The following COMMD6 variants were observed in gnomAD, a reference collection of about 807,000 sequenced individuals.
The protein encoded by COMMD6 is COMM domain-containing protein 6.
Under a neutral mutation model 13.4 loss-of-function variants are expected in COMMD6, and 11 were observed. The observed-to-expected ratio is 0.82, with a 90% CI of 0.52 to 1.36. The LOEUF is 1.36. COMMD6 is among the 40% of genes most tolerant of loss of function. The pLI, the probability that COMMD6 is intolerant of heterozygous loss-of-function variation, is 0.00. For synonymous variants in COMMD6, 43 were observed against 36.5 expected (o/e 1.18, Z -0.64); for missense variants, 124 against 102.4 (o/e 1.21, Z -0.91).
At chr13:75,544,926 C>CAAAAAAAAAAAAAAAAAAAAAA (rs10708731) in intron 1 of COMMD6, among the ~76,000 whole-genome samples, 2 of 104,544 alleles carry the variant, frequency 1.9e-5, no homozygotes, top group African/African-American at 7.0e-5. Context: ...ACTCTGTCTC[C>CAAAAAAAAAAAAAAAAAAAAAA]AAAAAAAAAA....
At chr13:75,530,452 G>C (rs2030433348) in intron 2 of COMMD6, 186 bp from the exon 3 acceptor site, 1 of 395,786 alleles carries the variant, frequency 2.5e-6, no homozygotes, top group Admixed American at 4.4e-5. Context: ...AGGTTATAAG[G>C]GATATAAACA....
upstream of COMMD6, among the ~76,000 whole-genome samples, chr13:75,541,125 C>T (rs1329215766): frequency 6.6e-6 from 1 of 152,070 alleles, no homozygotes; most frequent in Non-Finnish European, 1.5e-5. Context: ...GGTTTAGCAT[C>T]CTGGGAGTAT....
chr13:75,545,336 G>A (rs1424811499), intron 1 of COMMD6, among the ~76,000 whole-genome samples: 1 of 152,196 alleles, frequency 6.6e-6, no homozygotes, highest in Non-Finnish European at 1.5e-5. Flanking sequence ...CCCTGGGCTG[G>A]TTACAACTGT....
chr13:75,538,097 G>A (rs1276067413), upstream of COMMD6, among the ~76,000 whole-genome samples: 1 of 152,230 alleles, frequency 6.6e-6, no homozygotes, highest in African/African-American at 2.4e-5. Context: ...ACAGTGACAC[G>A]TGGGCTCTTC....
rs765309465 is a variant in COMMD6 at position 75,530,278 on chromosome 13, C to T, written c.55-12G>A. 1.2e-5 allele frequency: 20 copies of T among 1,602,786 alleles called. No individual in the cohort carries two copies. The highest frequency in any genetic ancestry group is 1.6e-5 in the Non-Finnish European group (19 of 1,174,242). On this transcript the variant is annotated splice_polypyrimidine_tract_variant and intron_variant, in intron 2 of 3. Transcript: ENST00000682242. ...TGAAAATCTACAAGCTTTAATAAGA[C>T]AGGACAAAATAATACATTAGTAGTA...
intron 3 of COMMD6, among the ~76,000 whole-genome samples, chr13:75,529,070 C>A (rs576781906): frequency 1.3e-5 from 2 of 152,234 alleles, no homozygotes; most frequent in Non-Finnish European, 2.9e-5. Flanking sequence ...AGAGTACTAA[C>A]TGCTGTTTAA....
At position 75,537,809 on chromosome 13, in the gene COMMD6, C is replaced by G. The variant is rs199894482; in HGVS notation, c.-4G>C. 160 of 1,602,580 alleles carry G rather than the reference C, an allele frequency of 1.0e-4. No individual in the cohort carries two copies. Among genetic ancestry groups the G allele is most frequent in the East Asian group, 8.5e-4 (38 of 44,698 alleles). On this transcript the variant is annotated 5_prime_UTR_variant, in exon 1 of 4. Transcript: ENST00000682242. ...GCGGCTCGCTGGACGCCTCCATGGG[C>G]AGCGTCTGGGACTTGCGGCCCGGAC...
At position 75,537,667 on chromosome 13, in the gene COMMD6, G is replaced by C; in HGVS notation, c.51C>G (p.Asn17Lys). The change falls in exon 2 of 4, where the codon AAC becomes AAG. Residue 17 changes from asparagine to lysine, a missense_variant. Asn to Lys is a moderately conservative substitution (Grantham distance 94, BLOSUM62 0). Coordinates refer to ENST00000682242, the MANE Select transcript of COMMD6 (RefSeq NM_203495.4). ...GGCGGGGCGGCCGCTCACCCACCTG[G>C]TTGGTGACCTGAAACGGAAGCAGAA... is the stretch of plus-strand genomic sequence containing the variant. ...PPLDAKSDVT[N>K]QLVDFQWKLG... 1.9e-6 allele frequency: 3 copies of C among 1,613,860 alleles called. No homozygotes were observed. The highest frequency in any genetic ancestry group is 2.5e-6 in the Non-Finnish European group (3 of 1,179,816).
At chr13:75,532,961 C>T (rs112704511) in intron 2 of COMMD6, among the ~76,000 whole-genome samples, 321 of 147,790 alleles carry the variant, frequency 2.2e-3, no homozygotes, top group African/African-American at 6.5e-3. Flanking sequence ...GATGGAGTCT[C>T]GCTCTGTTGC....
chr13:75,549,086 C>T (rs1184451075), intron 1 of COMMD6, among the ~76,000 whole-genome samples: 2 of 152,218 alleles, frequency 1.3e-5, no homozygotes, highest in Non-Finnish European at 2.9e-5. Flanking sequence ...TTCCAGCACA[C>T]TTCATGCCAT....
At chr13:75,548,695 T>C (rs2030960400) in intron 1 of COMMD6, among the ~76,000 whole-genome samples, 1 of 152,232 alleles carries the variant, frequency 6.6e-6, no homozygotes, top group African/African-American at 2.4e-5. Flanking sequence ...ATTCTTCAGA[T>C]GTTTACCGAG....
intron 1 of COMMD6, among the ~76,000 whole-genome samples, chr13:75,545,523 G>C (rs187899395): frequency 6.6e-6 from 1 of 150,948 alleles, no homozygotes; most frequent in South Asian, 2.1e-4. Context: ...CTGGAGTGCC[G>C]TGGCGGTGGC....
At chr13:75,544,815 G>C (rs1266170787) in intron 1 of COMMD6, among the ~76,000 whole-genome samples, 1 of 151,120 alleles carries the variant, frequency 6.6e-6, no homozygotes, top group Non-Finnish European at 1.5e-5. Context: ...GTGCACGTCT[G>C]TTTGGGAGGC....
At chr13:75,540,186 G>C (rs1276168145), upstream of COMMD6, among the ~76,000 whole-genome samples, 2 of 151,852 alleles carry the variant, frequency 1.3e-5, no homozygotes, top group Admixed American at 6.6e-5. Flanking sequence ...GCCCAGGCTG[G>C]TCTCGAACTC....
chr13:75,534,652 A>G (rs1413257651), intron 2 of COMMD6, among the ~76,000 whole-genome samples: 1 of 152,228 alleles, frequency 6.6e-6, no homozygotes, highest in Non-Finnish European at 1.5e-5. Flanking sequence ...GAAAACATAC[A>G]AAGAAACAAA....
chr13:75,527,965 C>A, intron 3 of COMMD6: 2 of 1,198,000 alleles, frequency 1.7e-6, no homozygotes, highest in East Asian at 3.2e-5. Context: ...TTATTGTTTA[C>A]TTGAAATTTG....
Position 75,537,684 on chromosome 13 carries a change from G to A in COMMD6, c.43-9C>T. Reference sequence around the variant, plus strand: ...CCCACCTGGTTGGTGACCTGAAACGGAAGCAGAAACACAATTTAGAGAAAC... The same window carrying A: ...CCCACCTGGTTGGTGACCTGAAACGAAAGCAGAAACACAATTTAGAGAAAC... On this transcript the variant is annotated splice_polypyrimidine_tract_variant and intron_variant, in intron 1 of 3. Transcript: ENST00000682242. The A allele has an allele frequency of 6.2e-7, 1 of 1,614,022 alleles. No homozygotes were observed. The highest frequency in any genetic ancestry group is 8.5e-7 in the Non-Finnish European group (1 of 1,179,906).
intron 3 of COMMD6, 84 bp downstream of exon 3, chr13:75,530,028 GTT>G: frequency 9.2e-7 from 1 of 1,091,442 alleles, no homozygotes. Context: ...AACCATTAAA[GTT>G]TTCCCGTAGA....
intron 3 of COMMD6, among the ~76,000 whole-genome samples, chr13:75,529,316 C>G (rs561676556): frequency 1.1e-3 from 168 of 152,104 alleles, no homozygotes; most frequent in Middle Eastern, 0.01. Context: ...GTCAGGAGAT[C>G]GAGACCATCC....
Sources: allele counts gnomAD v4.1 joint callset (sites outside exome capture counted in the v4.1 genomes callset), GRCh38; gene constraint gnomAD v4.1.1; transcripts MANE v1.5; gene names NCBI Gene and HGNC (gene_info 2026-07-23, HGNC 2026-07-21).